Variants in ATG4A observed in about 807,000 individuals in gnomAD.
ATG4A encodes cysteine protease ATG4A.
A neutral mutation model predicts 38.4 loss-of-function variants in ATG4A; 22 were observed. The observed-to-expected ratio is 0.57, with a 90% CI of 0.41 to 0.82. The LOEUF (loss-of-function observed/expected upper bound fraction) is 0.82. Ranked by LOEUF, ATG4A falls within the 40% of genes least tolerant of loss-of-function variation. ATG4A has a pLI of 0.00. For synonymous variants in ATG4A, 86 were observed against 100.7 expected, an observed-to-expected ratio of 0.85 and a Z score of 0.88; for missense variants, 220 against 290.0, an observed-to-expected ratio of 0.76 and a Z score of 1.75.
At chrX:108,101,042 AT>A (rs374460141) in intron 1 of ATG4A, among the ~76,000 whole-genome samples, 6,122 of 106,802 alleles carry the variant, frequency 0.057, 157 homozygotes, top group East Asian at 0.095. Flanking sequence ...TCAATGAAGA[AT>A]TTTTTTTTTT....
At chrX:108,108,554 C>T (rs753430267) in intron 1 of ATG4A, among the ~76,000 whole-genome samples, 29 of 110,781 alleles carry the variant, frequency 2.6e-4, no homozygotes, top group Non-Finnish European at 5.1e-4. Flanking sequence ...AAAATCACCA[C>T]GATCACTACC....
At chrX:108,099,830 C>T (rs991783479) in intron 1 of ATG4A, among the ~76,000 whole-genome samples, 3 of 111,667 alleles carry the variant, frequency 2.7e-5, no homozygotes, top group African/African-American at 9.8e-5. Context: ...CATTGATCTA[C>T]GTATGTGTCC....
chrX:108,136,715 G>T (rs567561348), intron 6 of ATG4A, among the ~76,000 whole-genome samples: 7 of 112,384 alleles, frequency 6.2e-5, no homozygotes, highest in Middle Eastern at 9.1e-3. Context: ...TTTCCCTTTT[G>T]TAAAATAAAA....
At chrX:108,143,447 G>T in intron 9 of ATG4A, among the ~76,000 whole-genome samples, 1 of 111,111 alleles carries the variant, frequency 9.0e-6, no homozygotes. Context: ...TAATCACAGG[G>T]CATGGTAATA....
intron 3 of ATG4A, among the ~76,000 whole-genome samples, chrX:108,129,731 C>G (rs1452290941): frequency 1.8e-5 from 2 of 109,667 alleles, no homozygotes; most frequent in Non-Finnish European, 3.8e-5. Flanking sequence ...CCAACACGCC[C>G]GGCTAATTTT....
chrX:108,115,841 A>G (rs2063353168), intron 1 of ATG4A, among the ~76,000 whole-genome samples: 1 of 112,530 alleles, frequency 8.9e-6, no homozygotes, highest in African/African-American at 3.2e-5. Flanking sequence ...ATGGCTAACC[A>G]TCTTATAAGA....
intron 4 of ATG4A, 92 bp from the exon 5 acceptor site, chrX:108,133,965 G>T: frequency 1.4e-6 from 1 of 706,619 alleles, no homozygotes. Context: ...TGGTGCCTTT[G>T]TTTTTCTTCT....
chrX:108,113,022 T>A (rs73251788), intron 1 of ATG4A, among the ~76,000 whole-genome samples: 2 of 111,280 alleles, frequency 1.8e-5, no homozygotes, highest in South Asian at 3.8e-4. Flanking sequence ...GGCTTCTTCA[T>A]TGGACTTGAT....
intron 9 of ATG4A, among the ~76,000 whole-genome samples, chrX:108,139,943 A>G (rs28407955): frequency 1.8e-5 from 2 of 109,610 alleles, no homozygotes; most frequent in South Asian, 3.9e-4. Flanking sequence ...GGGCACTAAT[A>G]CATTCATAGG....
chrX:108,113,795 C>T (rs754508755), intron 1 of ATG4A, among the ~76,000 whole-genome samples: 4 of 111,445 alleles, frequency 3.6e-5, no homozygotes, highest in East Asian at 2.8e-4. Context: ...GAGAATAGCA[C>T]GGGAAAGACT....
At chrX:108,135,871 A>G (rs1304339649) in intron 6 of ATG4A, among the ~76,000 whole-genome samples, 1 of 106,587 alleles carries the variant, frequency 9.4e-6, no homozygotes, top group Non-Finnish European at 1.9e-5. Context: ...TGCAACCTCC[A>G]CCTCCCAGGG....
upstream of ATG4A, among the ~76,000 whole-genome samples, chrX:108,090,583 A>G (rs2031578562): frequency 8.9e-6 from 1 of 112,065 alleles, no homozygotes; most frequent in Admixed American, 9.5e-5. Flanking sequence ...TTCTCTCCCA[A>G]AAGACACAAA....
chrX:108,098,793 A>T (rs1209020942), intron 1 of ATG4A, among the ~76,000 whole-genome samples: 1 of 112,155 alleles, frequency 8.9e-6, no homozygotes, highest in Non-Finnish European at 1.9e-5. Context: ...AATACATTTG[A>T]GACTCATTCA....
intron 1 of ATG4A, among the ~76,000 whole-genome samples, chrX:108,095,581 C>T (rs748561778): frequency 9.0e-6 from 1 of 111,533 alleles, no homozygotes; most frequent in Admixed American, 9.5e-5. Flanking sequence ...TGGGTCATAT[C>T]GTAACTCTGT....
chrX:108,123,503 C>T (rs749727957), intron 1 of ATG4A, among the ~76,000 whole-genome samples: 4 of 112,056 alleles, frequency 3.6e-5, no homozygotes, highest in Non-Finnish European at 5.6e-5. Context: ...CCTCCCTAGA[C>T]CCCCATGTAC....
At chrX:108,102,194 G>A (rs1410894046) in intron 1 of ATG4A, among the ~76,000 whole-genome samples, 1 of 110,865 alleles carries the variant, frequency 9.0e-6, no homozygotes, top group Non-Finnish European at 1.9e-5. Context: ...AGTGCACAAG[G>A]TTCCAATTTC....
chrX:108,138,332 T>C (rs747723071), intron 9 of ATG4A, 141 bp downstream of exon 9: 10 of 520,591 alleles, frequency 1.9e-5, no homozygotes, highest in African/African-American at 2.3e-5. Context: ...CAGCTCCTTC[T>C]GTCTCCGGCC....
At chrX:108,146,740 C>A (rs980269358) in intron 9 of ATG4A, among the ~76,000 whole-genome samples, 1 of 111,826 alleles carries the variant, frequency 8.9e-6, no homozygotes, top group African/African-American at 3.2e-5. Context: ...TCTCCCTAAG[C>A]CTTTGGATCC....
intron 1 of ATG4A, among the ~76,000 whole-genome samples, chrX:108,092,323 T>C (rs777222930): frequency 8.9e-6 from 1 of 112,150 alleles, no homozygotes; most frequent in Admixed American, 9.4e-5. Flanking sequence ...GGCTGTGGTG[T>C]TGGCATTTTA....
Sources: allele counts gnomAD v4.1 joint callset (sites outside exome capture counted in the v4.1 genomes callset), GRCh38; gene constraint gnomAD v4.1.1; transcripts MANE v1.5; gene names NCBI Gene and HGNC (gene_info 2026-07-23, HGNC 2026-07-21).